Variants in KIAA0319L observed in about 807,000 individuals in gnomAD.
The protein encoded by KIAA0319L is KIAA0319 like.
Under a neutral mutation model 120.1 loss-of-function variants are expected in KIAA0319L, and 55 were observed. That is an observed-to-expected ratio of 0.46 (90% CI 0.37 to 0.57). The LOEUF (loss-of-function observed/expected upper bound fraction) is 0.57. Among genes scored for constraint, KIAA0319L ranks in the 20% least tolerant of loss-of-function variants. KIAA0319L has a pLI of 0.00. For missense variants in KIAA0319L, 1,049 were observed against 1,255.3 expected (o/e 0.84, Z 2.48); for synonymous variants, 398 against 471.9 (o/e 0.84, Z 2.03).
intron 15 of KIAA0319L, 136 bp downstream of exon 15, chr1:35,449,731 T>G: frequency 1.1e-6 from 1 of 904,024 alleles, no homozygotes. Flanking sequence ...ATTTTTCAGC[T>G]TGGGGTTTCT....
At chr1:35,551,462 T>A (rs554456992) in intron 2 of KIAA0319L, among the ~76,000 whole-genome samples, 1 of 152,056 alleles carries the variant, frequency 6.6e-6, no homozygotes. Context: ...GGATTACATG[T>A]GCATGCCATC....
At chr1:35,456,978 G>T (rs1015115815) in intron 9 of KIAA0319L, among the ~76,000 whole-genome samples, 1 of 150,358 alleles carries the variant, frequency 6.7e-6, no homozygotes, top group Non-Finnish European at 1.5e-5. Context: ...CTTGCCCAAG[G>T]TCATACAGCT....
intron 3 of KIAA0319L, among the ~76,000 whole-genome samples, chr1:35,490,017 A>T (rs1401523796): frequency 6.6e-6 from 1 of 152,008 alleles, no homozygotes; most frequent in African/African-American, 2.4e-5. Flanking sequence ...CTGGAGTGCC[A>T]TGACGCGATC....
At chr1:35,448,741 C>T (rs561128150) in intron 15 of KIAA0319L, among the ~76,000 whole-genome samples, 1 of 152,270 alleles carries the variant, frequency 6.6e-6, no homozygotes, top group South Asian at 2.1e-4. Context: ...TTCAGTGCCT[C>T]GCTGTATTTT....
intron 6 of KIAA0319L, among the ~76,000 whole-genome samples, chr1:35,469,054 A>G (rs1165292021): frequency 6.6e-6 from 1 of 152,212 alleles, no homozygotes; most frequent in Non-Finnish European, 1.5e-5. Flanking sequence ...TTTGAGACAC[A>G]GTCTCACTTT....
intron 3 of KIAA0319L, among the ~76,000 whole-genome samples, chr1:35,503,864 A>C (rs1345962056): frequency 6.6e-6 from 1 of 151,836 alleles, no homozygotes; most frequent in Non-Finnish European, 1.5e-5. Flanking sequence ...ATGAATACTA[A>C]GTATATTTTC....
At chr1:35,449,735 G>T in intron 15 of KIAA0319L, 132 bp downstream of exon 15, 1 of 946,664 alleles carries the variant, frequency 1.1e-6, no homozygotes, top group Non-Finnish European at 1.6e-6. Context: ...TTCAGCTTGG[G>T]GTTTCTCGAT....
At chr1:35,496,728 G>A (rs1644819300) in intron 3 of KIAA0319L, among the ~76,000 whole-genome samples, 1 of 152,066 alleles carries the variant, frequency 6.6e-6, no homozygotes, top group African/African-American at 2.4e-5. Context: ...CAGATCACCT[G>A]AGGTCAGGAG....
At chr1:35,468,856 T>C (rs1251448026) in intron 6 of KIAA0319L, among the ~76,000 whole-genome samples, 6 of 152,208 alleles carry the variant, frequency 3.9e-5, no homozygotes, top group African/African-American at 1.4e-4. Flanking sequence ...GACCTACCAT[T>C]TAATACCTTT....
chr1:35,511,664 T>G (rs1484399237), intron 2 of KIAA0319L, among the ~76,000 whole-genome samples: 1 of 152,202 alleles, frequency 6.6e-6, no homozygotes, highest in African/African-American at 2.4e-5. Flanking sequence ...CTTCTGACCA[T>G]CAAAGAGGAG....
chr1:35,465,519 C>A (rs530678692), intron 7 of KIAA0319L, among the ~76,000 whole-genome samples: 1 of 152,332 alleles, frequency 6.6e-6, no homozygotes, highest in East Asian at 1.9e-4. Context: ...ATTTCACAGG[C>A]TCATAGGCAG....
At chr1:35,513,288 A>ATATTT (rs1414704674) in intron 2 of KIAA0319L, among the ~76,000 whole-genome samples, 22 of 85,302 alleles carry the variant, frequency 2.6e-4, no homozygotes, top group African/African-American at 8.9e-4. Context: ...ATATATATAT[A>ATATTT]TTTTTTTTTT....
At chr1:35,454,705 G>T in intron 10 of KIAA0319L, 1 of 1,175,012 alleles carries the variant, frequency 8.5e-7, no homozygotes, top group Non-Finnish European at 1.1e-6. Flanking sequence ...CTCTGACACA[G>T]CAGCAGTTTC....
At chr1:35,461,011 T>C (rs748206352) in intron 8 of KIAA0319L, among the ~76,000 whole-genome samples, 14 of 152,228 alleles carry the variant, frequency 9.2e-5, no homozygotes, top group African/African-American at 1.4e-4. Flanking sequence ...CATGGTAACA[T>C]TGTTTGTAAT....
At chr1:35,494,322 G>A (rs376506014) in intron 3 of KIAA0319L, among the ~76,000 whole-genome samples, 3 of 151,722 alleles carry the variant, frequency 2.0e-5, no homozygotes, top group Non-Finnish European at 2.9e-5. Context: ...GGTGGTGGGC[G>A]CCTGTCATCC....
intron 5 of KIAA0319L, 124 bp downstream of exon 5, chr1:35,474,681 C>G: frequency 1.7e-6 from 1 of 592,394 alleles, no homozygotes; most frequent in Non-Finnish European, 3.0e-6. Context: ...GTTCCAGCTA[C>G]TAGGAAGACT....
chr1:35,441,236 C>A (rs1641194148), intron 19 of KIAA0319L, 98 bp from the exon 20 acceptor site: 1 of 1,012,898 alleles, frequency 9.9e-7, no homozygotes, highest in African/African-American at 1.6e-5. Context: ...TTTGGTGGGG[C>A]ACCTACTGAG....
intron 2 of KIAA0319L, among the ~76,000 whole-genome samples, chr1:35,536,675 AG>A (rs1646584507): frequency 6.6e-6 from 1 of 152,220 alleles, no homozygotes; most frequent in Non-Finnish European, 1.5e-5. Context: ...AATTGGATAC[AG>A]GTGCTATTCC....
chr1:35,462,751 C>T lies in KIAA0319L; in HGVS notation c.1202-38G>A, dbSNP rs765860343. ...GACCCAAAAGAAATTGGGAAAGAGGCTTCAGAAATTACAGGAGCAGGCTGT... is the reference window on the plus strand; with the variant it reads ...GACCCAAAAGAAATTGGGAAAGAGGTTTCAGAAATTACAGGAGCAGGCTGT... On this transcript the variant is annotated intron_variant, in intron 7 of 20. Coordinates refer to ENST00000325722, the MANE Select transcript of KIAA0319L (RefSeq NM_024874.5). 8 of 1,487,672 alleles carry T rather than the reference C, an allele frequency of 5.4e-6. No individual in the cohort carries two copies. In the South Asian group the frequency reaches 6.8e-5, roughly 13 times the overall value. 92.2% of individuals were successfully genotyped at this position (1,487,672 alleles called of 1,614,324 possible).
Sources: gnomAD v4.1 joint callset for allele counts (sites outside exome capture counted in the v4.1 genomes callset) on GRCh38, gnomAD v4.1.1 for gene constraint, MANE v1.5 for transcripts, NCBI Gene and HGNC (gene_info 2026-07-23, HGNC 2026-07-21) for gene names.